Variants in ARB2A observed in about 807,000 individuals in gnomAD.
ARB2A encodes ARB2 cotranscriptional regulator A.
the ARB2A span, among the ~76,000 whole-genome samples, chr5:93,886,507 C>A: frequency 2.0e-5 from 3 of 151,708 alleles, no homozygotes; most frequent in African/African-American, 7.3e-5. Flanking sequence ...TACCCATAGA[C>A]AAACCACTGT....
At chr5:93,782,969 T>C in the ARB2A span, among the ~76,000 whole-genome samples, 2 of 152,300 alleles carry the variant, frequency 1.3e-5, no homozygotes, top group South Asian at 4.1e-4. Flanking sequence ...GATTAAATTA[T>C]GATGAATTCA....
chr5:93,699,339 T>C, the ARB2A span, among the ~76,000 whole-genome samples: 2 of 152,204 alleles, frequency 1.3e-5, no homozygotes, highest in African/African-American at 2.4e-5. Flanking sequence ...ACTATCTGAA[T>C]AGTTTGGTTC....
At chr5:93,742,302 T>C in the ARB2A span, among the ~76,000 whole-genome samples, 1 of 152,146 alleles carries the variant, frequency 6.6e-6, no homozygotes, top group South Asian at 2.1e-4. Flanking sequence ...CCAACAGAGA[T>C]CTAGGTGTGT....
chr5:93,899,380 C>G, the ARB2A span, among the ~76,000 whole-genome samples: 1 of 152,028 alleles, frequency 6.6e-6, no homozygotes, highest in Non-Finnish European at 1.5e-5. Context: ...AAACCCTTGT[C>G]TGTAAAAGTT....
At chr5:93,989,536 G>T in the ARB2A span, among the ~76,000 whole-genome samples, 3 of 151,896 alleles carry the variant, frequency 2.0e-5, no homozygotes, top group Admixed American at 2.0e-4. Context: ...AGAGCCCCTG[G>T]CCTAAACAGC....
the ARB2A span, among the ~76,000 whole-genome samples, chr5:93,807,300 G>C: frequency 6.6e-6 from 1 of 151,898 alleles, no homozygotes; most frequent in South Asian, 2.1e-4. Flanking sequence ...CACAGATTTG[G>C]TTGAAAAATG....
the ARB2A span, among the ~76,000 whole-genome samples, chr5:94,094,889 G>A: frequency 6.6e-6 from 1 of 152,118 alleles, no homozygotes; most frequent in African/African-American, 2.4e-5. Context: ...ACAGGGAAAG[G>A]ATATAGATTA....
At chr5:94,026,507 G>C in the ARB2A span, among the ~76,000 whole-genome samples, 2 of 152,078 alleles carry the variant, frequency 1.3e-5, no homozygotes, top group Non-Finnish European at 2.9e-5. Flanking sequence ...AGGGCTTTTC[G>C]GGCTCAGAAT....
the ARB2A span, chr5:93,805,895 G>A: frequency 1.0e-6 from 1 of 985,090 alleles, no homozygotes; most frequent in Non-Finnish European, 1.2e-6. Context: ...CCCAGCATCT[G>A]AATTAGCTTG....
the ARB2A span, among the ~76,000 whole-genome samples, chr5:94,053,518 A>C: frequency 2.0e-5 from 3 of 152,152 alleles, no homozygotes; most frequent in South Asian, 6.2e-4. Context: ...GTACCTTATT[A>C]ACCTCATTTA....
the ARB2A span, among the ~76,000 whole-genome samples, chr5:94,002,515 G>GTTTGATTCTTTGTATTC: frequency 6.6e-6 from 1 of 151,864 alleles, no homozygotes; most frequent in African/African-American, 2.4e-5. Context: ...GCTCCAGTAA[G>GTTTGATTCTTTGTATTC]TTTGATTCTT....
At chr5:94,062,401 A>G in the ARB2A span, among the ~76,000 whole-genome samples, 1 of 152,324 alleles carries the variant, frequency 6.6e-6, no homozygotes, top group Admixed American at 6.5e-5. Context: ...CTAATTTAAT[A>G]GAAAAGTGAC....
At chr5:93,813,245 G>A in the ARB2A span, among the ~76,000 whole-genome samples, 256 of 152,252 alleles carry the variant, frequency 1.7e-3, no homozygotes, top group Non-Finnish European at 2.0e-3. Flanking sequence ...TGGAGAAAAG[G>A]TAATCCTTGA....
the ARB2A span, among the ~76,000 whole-genome samples, chr5:94,102,581 G>C: frequency 6.6e-6 from 1 of 152,080 alleles, no homozygotes; most frequent in Non-Finnish European, 1.5e-5. Flanking sequence ...ACATGAGAAA[G>C]CAACTTAGAA....
the ARB2A span, among the ~76,000 whole-genome samples, chr5:93,655,844 T>C: frequency 1.3e-5 from 2 of 152,210 alleles, no homozygotes; most frequent in Non-Finnish European, 2.9e-5. Context: ...CCTTTCCTAC[T>C]TCCTCAATTC....
the ARB2A span, among the ~76,000 whole-genome samples, chr5:93,779,284 A>G: frequency 4.6e-5 from 7 of 152,206 alleles, no homozygotes; most frequent in Non-Finnish European, 7.3e-5. Context: ...TCTAAATTCA[A>G]TCTGTCTGAA....
chr5:93,739,519 G>GA, the ARB2A span: 2 of 152,078 alleles, frequency 1.3e-5, no homozygotes, highest in Admixed American at 1.3e-4. Context: ...AATACATACT[G>GA]ATAGAATTCT....
At chr5:93,743,303 T>C in the ARB2A span, 2 of 153,002 alleles carry the variant, frequency 1.3e-5, no homozygotes, top group African/African-American at 4.8e-5. Flanking sequence ...ACTGTCTGTC[T>C]TGTTCACTGC....
At chr5:93,827,278 G>T in the ARB2A span, among the ~76,000 whole-genome samples, 24 of 152,142 alleles carry the variant, frequency 1.6e-4, 1 homozygote, top group Non-Finnish European at 3.5e-4. Flanking sequence ...ACTTTTTAAT[G>T]ATCACCATTT....
Sources: gnomAD v4.1 joint callset for allele counts (sites outside exome capture counted in the v4.1 genomes callset) on GRCh38, gnomAD v4.1.1 for gene constraint, MANE v1.5 for transcripts, NCBI Gene and HGNC (gene_info 2026-07-23, HGNC 2026-07-21) for gene names.